The following CARD10 variants were observed in gnomAD, a reference collection of about 807,000 sequenced individuals.
CARD10 encodes caspase recruitment domain-containing protein 10.
A neutral mutation model predicts 114.6 loss-of-function variants in CARD10; 49 were observed. The ratio of observed to expected loss-of-function variants is 0.43; its 90% CI spans 0.34 to 0.54. CARD10 has a LOEUF of 0.54. CARD10 is among the 20% of genes least tolerant of loss of function. The pLI is 0.03. For synonymous variants in CARD10, 602 were observed against 593.2 expected, an observed-to-expected ratio of 1.01 and a Z score of -0.21; for missense variants, 1,206 against 1,397.2, an observed-to-expected ratio of 0.86 and a Z score of 2.18.
intron 4 of CARD10, chr22:37,509,185 A>G (rs1923524524): frequency 1.4e-6 from 2 of 1,419,088 alleles, no homozygotes; most frequent in Admixed American, 5.5e-5. Flanking sequence ...CTCATCCCCC[A>G]CTTCCTGTGT....
In CARD10 at chr22:37,508,678, G is replaced by T; in HGVS notation, c.914C>A (p.Ala305Glu). The change falls in exon 5 of 20, where the codon GCG (alanine) becomes GAG (glutamate). Residue 305 changes from alanine to glutamate, a missense_variant. By Grantham distance (107) the Ala-to-Glu change is moderately radical. Coordinates refer to ENST00000251973, the MANE Select transcript of CARD10 (RefSeq NM_014550.4). ...GGAGCCCGGGGCCCCCGGCCGGCTC[G>T]CCTCCTGGGGATCACAGGGCAGGGC... ...RELQEGLQQE[A>E]SRPGAPGSER... 1.3e-6 allele frequency: 2 copies of T among 1,557,546 alleles called. No individual in the cohort carries two copies. The highest frequency in any genetic ancestry group is 1.9e-5 in the Admixed American group (1 of 53,220).
At chr22:37,511,062 G>A (rs2092172) in intron 3 of CARD10, among the ~76,000 whole-genome samples, 45,753 of 140,198 alleles carry the variant, frequency 0.33, 9,214 homozygotes, top group African/African-American at 0.59. Flanking sequence ...AGCCTGGGCA[G>A]CAGAGCAAGA....
At chr22:37,506,747 G>A (rs1223833421) in intron 6 of CARD10, among the ~76,000 whole-genome samples, 1 of 152,138 alleles carries the variant, frequency 6.6e-6, no homozygotes, top group East Asian at 1.9e-4. Context: ...CAGCATCCCA[G>A]TCAGTGGAGA....
In CARD10 at chr22:37,496,612, G is replaced by A. The variant is rs1923013607; in HGVS notation, c.1948-52C>T. 1 of 1,313,972 alleles carries A rather than the reference G, an allele frequency of 7.6e-7. No homozygotes were observed. The highest frequency in any genetic ancestry group is 1.4e-5 in the African/African-American group (1 of 69,142). The allele number at this position is 1,313,972 out of a possible 1,614,324, so 81.4% of individuals were successfully genotyped here. A position where few individuals can be genotyped will look rare whatever the true frequency, so the allele number is the denominator to read the frequency against. On this transcript the variant is annotated intron_variant, in intron 12 of 19. Transcript: ENST00000251973. This position sits in a 1 kb window ranked among gnomAD's most constrained non-coding sequence, Gnocchi z 4.1. ...AAAGAAGTGAGCCTCTGAGAGTAGA[G>A]CAGCCCAGGGGCTGGAGGAAGACCA...
At chr22:37,504,465 C>T (rs945714553) in intron 8 of CARD10, among the ~76,000 whole-genome samples, 164 bp from the exon 9 acceptor site, 3 of 152,232 alleles carry the variant, frequency 2.0e-5, no homozygotes, top group African/African-American at 4.8e-5. Context: ...CGCCTCCTGG[C>T]ACCTATGCCT....
Position 37,512,468 on chromosome 22 carries a change from CACACACACACACA to C in CARD10, c.700-2060_700-2048del, listed in dbSNP as rs1569167366. 1.1e-3 allele frequency among the ~76,000 whole-genome samples: 51 copies of C among 45,354 alleles called. No individual in the cohort carries two copies. The African/African-American group carries it at 0.018, about 16-fold the overall frequency. 29.8% of individuals were successfully genotyped at this position (45,354 alleles called of 152,430 possible). A position where few individuals can be genotyped will look rare whatever the true frequency, so the allele number is the denominator to read the frequency against. ...GGTTAGAATGGCAGCCCCCCCTCCA[CACACACACACACA>C]CACACACACACACACACACACACAC... On this transcript the variant is annotated intron_variant, in intron 3 of 19. Transcript: ENST00000251973.
At chr22:37,502,454 T>C (rs1923249279) in intron 11 of CARD10, 148 bp downstream of exon 11, 1 of 873,024 alleles carries the variant, frequency 1.1e-6, no homozygotes. Flanking sequence ...GGCAGCAGGA[T>C]TGGAATCCAA....
At position 37,519,277 on chromosome 22, in the gene CARD10, A is replaced by G. The variant is rs1190348437; in HGVS notation, c.-77T>C. 3 of 1,386,876 alleles carry G rather than the reference A, an allele frequency of 2.2e-6. No individual in the cohort carries two copies. The highest frequency in any genetic ancestry group is 3.1e-5 in the Admixed American group (1 of 32,320). The allele number at this position is 1,386,876 out of a possible 1,614,324, so 85.9% of individuals were successfully genotyped here. The stretch of plus-strand genomic sequence containing the variant: ...CTCCCTAGGGCTAGATGTGCGGCCA[A>G]GCACCCCCGGGGCGTCGTCCGCAGA... On this transcript the variant is annotated 5_prime_UTR_variant, in exon 1 of 20. Transcript: ENST00000251973. The surrounding 1 kb of genome is among the most constrained non-coding windows in gnomAD (Gnocchi z 4.1).
At chr22:37,513,651 G>A (rs963690810) in intron 3 of CARD10, among the ~76,000 whole-genome samples, 6 of 151,816 alleles carry the variant, frequency 4.0e-5, no homozygotes, top group South Asian at 4.2e-4. Context: ...CCCTCACGCC[G>A]TCCTCTCTAA....
At position 37,510,305 on chromosome 22, in the gene CARD10, C is replaced by G. The variant is rs1476494642; in HGVS notation, c.816G>C (p.Lys272Asn). ...AGACAAGGTCCACATTGTCTGGCTC[C>G]TTCTCCTTCTCCTTCTCCTTCTCCT... ...EEKEKEKEKE[K>N]EPDNVDLVSE... is the part of the protein sequence containing the mutation. Residue 272 changes from lysine to asparagine, a missense_variant, in exon 4 of 20, where the codon AAG (lysine) becomes AAC (asparagine). This residue lies in a region of CARD10 where 1,068 missense variants were observed against 1,179.1 expected (regional missense o/e 0.91). Coordinates refer to ENST00000251973, the MANE Select transcript of CARD10 (RefSeq NM_014550.4). 1.1e-6 allele frequency: 1 copy of G among 923,088 alleles called. No homozygotes were observed. The highest frequency in any genetic ancestry group is 1.4e-6 in the Non-Finnish European group (1 of 693,272). The allele number at this position is 923,088 out of a possible 1,614,324, so 57.2% of individuals were successfully genotyped here.
chr22:37,491,213 G>A lies in CARD10; in HGVS notation c.3045C>T (p.Leu1015=), dbSNP rs370056661. 52 of 1,572,048 alleles carry A rather than the reference G, an allele frequency of 3.3e-5. No homozygotes were observed. The South Asian group carries it at 4.2e-4, about 13-fold the overall frequency. The change falls in exon 20 of 20, where the codon CTC becomes CTT. Residue 1015 remains leucine, a synonymous_variant. Coordinates refer to ENST00000251973, the MANE Select transcript of CARD10 (RefSeq NM_014550.4). ...RGRILQEQAR[L]VWVECGSSRG... ...TGCTGCTGCCGCACTCCACCCACAC[G>A]AGGCGGGCCTGCTCCTGCAGGATGC...
At chr22:37,502,488 T>TA in intron 11 of CARD10, 114 bp downstream of exon 11, 1 of 1,252,382 alleles carries the variant, frequency 8.0e-7, no homozygotes, top group Non-Finnish European at 1.1e-6. Context: ...CTACAGATCT[T>TA]AATCTTCCAA....
At position 37,518,919 on chromosome 22, in the gene CARD10, G is replaced by C. The variant is rs1001639665; in HGVS notation, c.235+47C>G. On this transcript the variant is annotated intron_variant, in intron 1 of 19. Transcript: ENST00000251973. The stretch of plus-strand genomic sequence containing the variant: ...ACACGGCTGTGGGCGCTGCGCCCCA[G>C]GGCACGGCCGGCCCAGGTCGTGGCC... 4.1e-6 allele frequency: 6 copies of C among 1,479,784 alleles called. No homozygotes were observed. In the African/African-American group the frequency reaches 4.3e-5, roughly 10 times the overall value. The allele number at this position is 1,479,784 out of a possible 1,614,324, so 91.7% of individuals were successfully genotyped here.
At chr22:37,511,136 C>A (rs952943459) in intron 3 of CARD10, among the ~76,000 whole-genome samples, 1 of 147,580 alleles carries the variant, frequency 6.8e-6, no homozygotes. Flanking sequence ...CTTTAGAAGG[C>A]CGAGGCGGGC....
rs1004201907 is a variant in CARD10 at position 37,504,706 on chromosome 22, G to A, written c.1447C>T (p.Pro483Ser). ...LSSTWSLSEF[P>S]SPLGGPEATG... The stretch of plus-strand genomic sequence containing the variant: ...GCTTCTGGGCCTCCCAGAGGGGAGG[G>A]GAACTCGCTCAGGCTCCAAGTGCTG... The change falls in exon 8 of 20, where the codon CCC becomes TCC. Residue 483 changes from proline (P) to serine (S), a missense_variant. Physicochemically the swap from Pro to Ser is moderately conservative, Grantham distance 74. Coordinates refer to ENST00000251973, the MANE Select transcript of CARD10 (RefSeq NM_014550.4). The A allele has an allele frequency of 5.0e-6, 8 of 1,584,284 alleles. No homozygotes were observed. The highest frequency in any genetic ancestry group is 5.1e-6 in the Non-Finnish European group (6 of 1,166,494).
chr22:37,494,000 G>T, intron 16 of CARD10, 86 bp downstream of exon 16: 2 of 1,031,854 alleles, frequency 1.9e-6, no homozygotes, highest in Non-Finnish European at 3.0e-6. Context: ...GGCCAAAGAG[G>T]CCACCCAAGC....
In CARD10 at chr22:37,508,643, G is replaced by T. The variant is rs1490158058; in HGVS notation, c.949C>A (p.Leu317Met). 6.3e-7 allele frequency: 1 copy of T among 1,583,084 alleles called. No homozygotes were observed. Residue 317 changes from leucine to methionine, a missense_variant, in exon 5 of 20, where the codon CTG becomes ATG. By Grantham distance (15) the Leu-to-Met change is conservative. Transcript: ENST00000251973. The part of the protein sequence containing the change: ...RPGAPGSERI[L>M]LDILEHDWRE... ...CAGTCATGCTCTAGGATGTCCAGCA[G>T]GATGCGCTCGGAGCCCGGGGCCCCC...
chr22:37,502,848 A>G, intron 10 of CARD10, 123 bp from the exon 11 acceptor site: 2 of 1,141,362 alleles, frequency 1.8e-6, no homozygotes, highest in South Asian at 3.2e-5. Context: ...CCCCAGGAGC[A>G]CATCAGACCC....
At chr22:37,493,002 C>T (rs1043783782) in intron 16 of CARD10, among the ~76,000 whole-genome samples, 200 bp from the exon 17 acceptor site, 3 of 152,126 alleles carry the variant, frequency 2.0e-5, no homozygotes, top group African/African-American at 2.4e-5. Context: ...CATCCCTGCC[C>T]CCTACGGGTC....
Sources: gnomAD v4.1 joint callset for allele counts (sites outside exome capture counted in the v4.1 genomes callset) on GRCh38, gnomAD v4.1.1 for gene constraint, gnomAD v4.1.1 regional missense constraint, Gnocchi (gnomAD v3.1) non-coding constraint, MANE v1.5 for transcripts, NCBI Gene and HGNC (gene_info 2026-07-23, HGNC 2026-07-21) for gene names.